The following IFT57 variants were observed in gnomAD, a reference collection of about 807,000 sequenced individuals.
IFT57 encodes the protein intraflagellar transport 57, also known as intraflagellar transport protein 57 homolog.
Under a neutral mutation model 56.8 loss-of-function variants are expected in IFT57, and 59 were observed. The ratio of observed to expected loss-of-function variants is 1.04; its 90% CI spans 0.84 to 1.29. The LOEUF (loss-of-function observed/expected upper bound fraction) is 1.29. Ranked by LOEUF, IFT57 falls within the 50% of genes most tolerant of loss-of-function variation. The pLI, the probability that IFT57 is intolerant of heterozygous loss-of-function variation, is 0.00. For synonymous variants in IFT57, 209 were observed against 186.1 expected (o/e 1.12, Z -1.00); for missense variants, 470 against 522.1 (o/e 0.90, Z 0.97).
At chr3:108,171,706 T>C (rs1192626386) in intron 6 of IFT57, among the ~76,000 whole-genome samples, 3 of 151,832 alleles carry the variant, frequency 2.0e-5, no homozygotes, top group Middle Eastern at 3.4e-3. Context: ...CCAAATATGG[T>C]TGAGCCTCAA....
Position 108,163,745 on chromosome 3 carries a change from G to A in IFT57, c.1045-16C>T, listed in dbSNP as rs781441608. On this transcript the variant is annotated splice_polypyrimidine_tract_variant and intron_variant, in intron 9 of 10. Coordinates refer to ENST00000264538, the MANE Select transcript of IFT57 (RefSeq NM_018010.4). ...CTTCCATAACCTTTCATGAAAACAA[G>A]TTTTCATGAGCATTACATTTTAATA... The A allele has an allele frequency of 8.7e-6, 13 of 1,497,534 alleles. No homozygotes were observed. In the South Asian group the frequency reaches 9.1e-5, roughly 11 times the overall value. The allele number at this position is 1,497,534 out of a possible 1,614,324, so 92.8% of individuals were successfully genotyped here.
Position 108,186,837 on chromosome 3 carries a change from T to C in IFT57, c.777+4684A>G, listed in dbSNP as rs326339. 4.1e-3 allele frequency among the ~76,000 whole-genome samples: 622 copies of C among 152,242 alleles called. 4 individuals carry two copies. Among genetic ancestry groups the C allele is most frequent in the African/African-American group, 0.014 (589 of 41,542 alleles). On this transcript the variant is annotated intron_variant, in intron 6 of 10. Coordinates refer to ENST00000264538, the MANE Select transcript of IFT57 (RefSeq NM_018010.4). Reference sequence around the variant, plus strand: ...GGGAAGACAATGGAGATGAAGACCTTTGTGATGCTCCACTTCCACTTAATG... The same window carrying C: ...GGGAAGACAATGGAGATGAAGACCTCTGTGATGCTCCACTTCCACTTAATG...
chr3:108,163,331 A>G (rs1436401642), intron 10 of IFT57, among the ~76,000 whole-genome samples: 1 of 152,140 alleles, frequency 6.6e-6, no homozygotes. Flanking sequence ...TTGTATATAA[A>G]ATAGAAAAAG....
intron 4 of IFT57, 133 bp downstream of exon 4, chr3:108,213,798 G>A: frequency 1.6e-6 from 1 of 610,860 alleles, no homozygotes; most frequent in South Asian, 2.3e-5. Context: ...ACTCAGCACT[G>A]TATTTAAAAG....
chr3:108,166,833 T>G (rs776653886), intron 8 of IFT57, 21 bp downstream of exon 8: 2 of 1,602,774 alleles, frequency 1.2e-6, no homozygotes, highest in South Asian at 2.2e-5. Flanking sequence ...AATAAATCCT[T>G]GGAAATCATT....
chr3:108,199,694 C>T (rs1270291301), intron 5 of IFT57, among the ~76,000 whole-genome samples: 2 of 152,212 alleles, frequency 1.3e-5, no homozygotes, highest in African/African-American at 4.8e-5. Flanking sequence ...GTTCCACATA[C>T]TGTTACAGTC....
At chr3:108,214,825 C>T (rs1203858477) in intron 3 of IFT57, among the ~76,000 whole-genome samples, 14 of 152,166 alleles carry the variant, frequency 9.2e-5, no homozygotes, top group African/African-American at 3.4e-4. Flanking sequence ...TGCCTAACCT[C>T]TCAAAAATTG....
chr3:108,166,258 C>T (rs9852283), intron 8 of IFT57, among the ~76,000 whole-genome samples: 14,822 of 152,090 alleles, frequency 0.097, 784 homozygotes, highest in Middle Eastern at 0.12. Flanking sequence ...ATAGGGGGCA[C>T]AAATCCCAAA....
intron 3 of IFT57, among the ~76,000 whole-genome samples, chr3:108,216,365 T>C (rs1159834726): frequency 1.3e-5 from 2 of 152,162 alleles, no homozygotes; most frequent in South Asian, 4.1e-4. Flanking sequence ...AACAGATATA[T>C]GCAAAAATGC....
chr3:108,199,382 T>C (rs935823922), intron 5 of IFT57, among the ~76,000 whole-genome samples: 2 of 152,182 alleles, frequency 1.3e-5, no homozygotes, highest in Admixed American at 1.3e-4. Context: ...TATGGGAATA[T>C]AGACAGGCAG....
intron 6 of IFT57, among the ~76,000 whole-genome samples, chr3:108,176,249 G>A (rs1483129652): frequency 6.6e-6 from 1 of 151,680 alleles, no homozygotes; most frequent in Non-Finnish European, 1.5e-5. Context: ...TTTTTCTCAG[G>A]CCATTGTTTC....
intron 9 of IFT57, among the ~76,000 whole-genome samples, chr3:108,165,135 C>T (rs1279353188): frequency 6.6e-6 from 1 of 151,656 alleles, no homozygotes; most frequent in Non-Finnish European, 1.5e-5. Context: ...CTTTACTATT[C>T]ATCCCCATGT....
chr3:108,164,938 A>G lies in IFT57; in HGVS notation c.1044+493T>C, dbSNP rs570901698. On this transcript the variant is annotated intron_variant, in intron 9 of 10. Transcript: ENST00000264538. ...CAGGTCCTACCTCTCTTGCAAGATC[A>G]TAAAAATAAATGCAACTATTTATTT... 2.0e-5 allele frequency among the ~76,000 whole-genome samples: 3 copies of G among 152,180 alleles called. No homozygotes were observed. The South Asian group carries it at 6.2e-4, about 31-fold the overall frequency.
intron 4 of IFT57, among the ~76,000 whole-genome samples, chr3:108,211,140 T>C (rs1394724791): frequency 6.6e-6 from 1 of 152,266 alleles, no homozygotes; most frequent in Non-Finnish European, 1.5e-5. Flanking sequence ...ACATGGTTTC[T>C]GCGCTTGCAG....
Position 108,222,385 on chromosome 3 carries a change from G to A in IFT57, c.-63C>T. On this transcript the variant is annotated 5_prime_UTR_variant, in exon 1 of 11. Transcript: ENST00000264538. ...CAGACCTCTGCGGCCTAAGCCGCCA[G>A]CCCTGCCGCCGCCAGTACAGCCACG... 1 of 1,476,294 alleles carries A rather than the reference G, an allele frequency of 6.8e-7. No homozygotes were observed. The highest frequency in any genetic ancestry group is 1.4e-5 in the South Asian group (1 of 73,760). 91.4% of individuals were successfully genotyped at this position (1,476,294 alleles called of 1,614,324 possible).
rs777549747 is a variant in IFT57, at chr3:108,162,486, G to T, written c.1281C>A (p.Gly427=). ...HATVIPEPAT[G]FY ...TGAAAACCAGTATGTTTTAATAAAA[G>T]CCTGTTGCTGGTTCTGGAATAACTG... The change falls in exon 11 of 11, where the codon GGC becomes GGA. Residue 427 remains glycine, a synonymous_variant. Transcript: ENST00000264538. The T allele has an allele frequency of 3.5e-5, 56 of 1,596,812 alleles. No individual in the cohort carries two copies. Among genetic ancestry groups the T allele is most frequent in the Non-Finnish European group, 4.8e-5 (56 of 1,171,372 alleles).
intron 6 of IFT57, among the ~76,000 whole-genome samples, chr3:108,174,044 GTT>G (rs71629346): frequency 5.0e-4 from 74 of 147,924 alleles, no homozygotes; most frequent in Non-Finnish European, 9.3e-4. Flanking sequence ...GTGTGTGTGT[GTT>G]TAAGACAGGG....
At chr3:108,215,983 T>A (rs2080370867) in intron 3 of IFT57, among the ~76,000 whole-genome samples, 2 of 151,940 alleles carry the variant, frequency 1.3e-5, no homozygotes, top group Admixed American at 1.3e-4. Flanking sequence ...AAAAACCAAC[T>A]CAAAATGGAT....
intron 6 of IFT57, among the ~76,000 whole-genome samples, chr3:108,184,311 G>A (rs2080167444): frequency 6.6e-6 from 1 of 151,850 alleles, no homozygotes; most frequent in Non-Finnish European, 1.5e-5. Flanking sequence ...AACAACACTG[G>A]TTTCAACTCC....
Sources: allele counts gnomAD v4.1 joint callset (sites outside exome capture counted in the v4.1 genomes callset), GRCh38; gene constraint gnomAD v4.1.1; transcripts MANE v1.5; gene names NCBI Gene and HGNC (gene_info 2026-07-23, HGNC 2026-07-21).